Variants in FBLN2 observed in about 807,000 individuals in gnomAD.
FBLN2 encodes the protein fibulin-2.
A neutral mutation model predicts 123.7 loss-of-function variants in FBLN2; 81 were observed. The ratio of observed to expected loss-of-function variants is 0.65; its 90% CI spans 0.55 to 0.79. FBLN2 has a LOEUF of 0.79. FBLN2 is among the 30% of genes least tolerant of loss of function. The pLI, the probability that FBLN2 is intolerant of heterozygous loss-of-function variation, is 0.00. For missense variants in FBLN2, 1,603 were observed against 1,681.3 expected (o/e 0.95, Z 0.81); for synonymous variants, 699 against 701.4 (o/e 1.00, Z 0.05).
intron 2 of FBLN2, among the ~76,000 whole-genome samples, chr3:13,581,819 C>T (rs1704342092): frequency 6.6e-6 from 1 of 152,194 alleles, no homozygotes; most frequent in Non-Finnish European, 1.5e-5. Context: ...TCCCTTCCCA[C>T]CGTGGTGTCA....
In FBLN2 at chr3:13,570,478, G is replaced by T; in HGVS notation, c.123G>T (p.Leu41=). 7 of 1,582,300 alleles carry T rather than the reference G, an allele frequency of 4.4e-6. No individual in the cohort carries two copies. Among genetic ancestry groups the T allele is most frequent in the Non-Finnish European group, 6.0e-6 (7 of 1,165,300 alleles). ...QDCTGVECPP[L]ENCIEEALEP... is the part of the protein sequence containing the mutation. The stretch of plus-strand genomic sequence containing the variant: ...GCACGGGCGTGGAGTGCCCGCCGCT[G>T]GAGAACTGCATTGAGGAGGCGCTGG... Residue 41 remains leucine (L), a synonymous_variant, in exon 2 of 18, where the codon CTG becomes CTT. Transcript: ENST00000404922.
intron 2 of FBLN2, among the ~76,000 whole-genome samples, chr3:13,584,208 C>G (rs531991148): frequency 6.6e-6 from 1 of 152,188 alleles, no homozygotes; most frequent in Non-Finnish European, 1.5e-5. Context: ...ATTAGCAATT[C>G]GTTCACATAT....
At chr3:13,637,341 A>G (rs1706511415) in intron 17 of FBLN2, among the ~76,000 whole-genome samples, 2 of 152,354 alleles carry the variant, frequency 1.3e-5, no homozygotes, top group Middle Eastern at 3.4e-3. Flanking sequence ...GTGCCATGCT[A>G]AACTCACCCA....
intron 1 of FBLN2, among the ~76,000 whole-genome samples, chr3:13,558,030 C>T (rs890354026): frequency 6.6e-6 from 1 of 152,220 alleles, no homozygotes; most frequent in African/African-American, 2.4e-5. Context: ...TGGTTGTACA[C>T]TGGCCGCCTC....
intron 2 of FBLN2, among the ~76,000 whole-genome samples, chr3:13,600,185 G>A (rs1421432133): frequency 2.0e-5 from 3 of 151,960 alleles, no homozygotes; most frequent in South Asian, 4.2e-4. Context: ...GGTGGAGGGC[G>A]GGGGCCTCTG....
intron 1 of FBLN2, 146 bp from the exon 2 acceptor site, chr3:13,570,169 G>T: frequency 1.2e-6 from 1 of 809,806 alleles, no homozygotes; most frequent in Non-Finnish European, 1.9e-6. Context: ...GTGTGTGTGT[G>T]TGAGGCAGTG....
At chr3:13,583,837 C>T (rs905469941) in intron 2 of FBLN2, among the ~76,000 whole-genome samples, 1 of 152,350 alleles carries the variant, frequency 6.6e-6, no homozygotes. Context: ...GAGAGGCTTT[C>T]TCTCCTGCTT....
chr3:13,558,780 C>T (rs55823570), intron 1 of FBLN2, among the ~76,000 whole-genome samples: 8 of 6,554 alleles, frequency 1.2e-3, no homozygotes, highest in East Asian at 6.9e-3. Flanking sequence ...CATCCATCCA[C>T]CCATCCACCC....
intron 5 of FBLN2, among the ~76,000 whole-genome samples, chr3:13,617,229 T>C (rs796083324): frequency 1.4e-4 from 21 of 151,406 alleles, no homozygotes; most frequent in African/African-American, 4.8e-4. Flanking sequence ...CATCCATCCG[T>C]CTGTTCATCT....
rs183018616 is a variant in FBLN2 at position 13,604,292 on chromosome 3, A to T, written c.1307-3770A>T. Among the ~76,000 whole-genome samples the T allele has an allele frequency of 9.2e-5, 14 of 152,252 alleles. No homozygotes were observed. In the East Asian group the frequency reaches 2.7e-3, roughly 29 times the overall value. On this transcript the variant is annotated intron_variant, in intron 2 of 17. Coordinates refer to ENST00000404922, the MANE Select transcript of FBLN2 (RefSeq NM_001004019.2). ...GTTACCCTTGCTTTTGGTGTTTTAG[A>T]CATGAAGTCCTTGCCCATGCCTATG...
chr3:13,635,150 G>T (rs146329603), intron 16 of FBLN2, among the ~76,000 whole-genome samples: 101 of 152,302 alleles, frequency 6.6e-4, no homozygotes, highest in African/African-American at 2.4e-3. Flanking sequence ...CACAGGGCTG[G>T]TGTGAGGACT....
At chr3:13,598,783 T>C (rs1704930405) in intron 2 of FBLN2, among the ~76,000 whole-genome samples, 3 of 152,130 alleles carry the variant, frequency 2.0e-5, no homozygotes, top group Admixed American at 6.5e-5. Context: ...AATCTGGTGA[T>C]TGGGACAGCC....
intron 2 of FBLN2, among the ~76,000 whole-genome samples, chr3:13,606,980 GTTGT>G (rs1442467071): frequency 2.0e-5 from 3 of 151,460 alleles, no homozygotes; most frequent in African/African-American, 4.8e-5. Flanking sequence ...TTTTCTTGTT[GTTGT>G]TTGTTTGTTT....
At chr3:13,635,484 A>G (rs1295227136) in intron 16 of FBLN2, among the ~76,000 whole-genome samples, 1 of 151,986 alleles carries the variant, frequency 6.6e-6, no homozygotes, top group Non-Finnish European at 1.5e-5. Context: ...TTATATGTGT[A>G]TGTTTCTTTG....
intron 2 of FBLN2, among the ~76,000 whole-genome samples, chr3:13,599,085 G>A (rs948539661): frequency 3.3e-5 from 5 of 152,236 alleles, no homozygotes; most frequent in Non-Finnish European, 7.3e-5. Flanking sequence ...CCAGAGAGAG[G>A]CACTTTATCC....
At chr3:13,580,757 G>A (rs1179514283) in intron 2 of FBLN2, among the ~76,000 whole-genome samples, 3 of 152,140 alleles carry the variant, frequency 2.0e-5, no homozygotes, top group African/African-American at 4.8e-5. Context: ...GACACACCTC[G>A]GCCATGTATA....
chr3:13,585,168 G>A (rs1281531220), intron 2 of FBLN2, among the ~76,000 whole-genome samples: 1 of 152,204 alleles, frequency 6.6e-6, no homozygotes, highest in Non-Finnish European at 1.5e-5. Context: ...GCTTTGAGTG[G>A]AGCTCTCTGG....
intron 17 of FBLN2, among the ~76,000 whole-genome samples, chr3:13,637,243 AG>A (rs1706507335): frequency 6.6e-6 from 1 of 152,124 alleles, no homozygotes. Context: ...GAGAGGGAAA[AG>A]GAAGGAGAAA....
At chr3:13,581,951 T>C (rs920770065) in intron 2 of FBLN2, among the ~76,000 whole-genome samples, 1 of 152,096 alleles carries the variant, frequency 6.6e-6, no homozygotes, top group Non-Finnish European at 1.5e-5. Context: ...CTCCCCAGGT[T>C]AGAGGCTGGC....
Sources: allele counts gnomAD v4.1 joint callset (sites outside exome capture counted in the v4.1 genomes callset), GRCh38; gene constraint gnomAD v4.1.1; transcripts MANE v1.5; gene names NCBI Gene and HGNC (gene_info 2026-07-23, HGNC 2026-07-21).